Variants in FHIT observed in about 807,000 individuals in gnomAD.
FHIT encodes fragile histidine triad diadenosine triphosphatase.
In FHIT, 19 loss-of-function variants were observed where a neutral mutation model predicts 17.9. The observed-to-expected ratio is 1.06, with a 90% CI of 0.74 to 1.56. The LOEUF (loss-of-function observed/expected upper bound fraction) is 1.56, where lower values mean the gene tolerates loss of function less well. Among genes scored for constraint, FHIT ranks in the 40% most tolerant of loss-of-function variants. FHIT has a pLI of 0.00. For synonymous variants in FHIT, 81 were observed against 69.7 expected, an observed-to-expected ratio of 1.16 and a Z score of -0.81; for missense variants, 248 against 189.2, an observed-to-expected ratio of 1.31 and a Z score of -1.82.
At chr3:60,431,283 T>C (rs1166868630) in intron 5 of FHIT, among the ~76,000 whole-genome samples, 1 of 152,098 alleles carries the variant, frequency 6.6e-6, no homozygotes, top group Non-Finnish European at 1.5e-5. Flanking sequence ...TGCTCCATCA[T>C]TTCTTTTTAT....
intron 4 of FHIT, among the ~76,000 whole-genome samples, chr3:60,683,218 T>C (rs923734889): frequency 7.9e-5 from 12 of 152,204 alleles, no homozygotes; most frequent in Admixed American, 1.3e-4. Flanking sequence ...ACTTAGTTGA[T>C]AAAGAAGGGT....
intron 8 of FHIT, among the ~76,000 whole-genome samples, chr3:59,821,798 T>C (rs1700801974): frequency 6.6e-6 from 1 of 150,600 alleles, no homozygotes; most frequent in African/African-American, 2.4e-5. Flanking sequence ...ATATATTTAT[T>C]TTTAATTTTT....
At chr3:61,218,879 A>G (rs764974547) in intron 1 of FHIT, among the ~76,000 whole-genome samples, 3 of 152,168 alleles carry the variant, frequency 2.0e-5, no homozygotes, top group Admixed American at 6.6e-5. Context: ...AAAACCCCAG[A>G]TTCTATCCCA....
intron 4 of FHIT, among the ~76,000 whole-genome samples, chr3:60,579,584 T>A (rs1175874063): frequency 1.3e-5 from 2 of 152,186 alleles, no homozygotes; most frequent in Admixed American, 6.6e-5. Flanking sequence ...TATAAACACA[T>A]GTCTATACAT....
intron 2 of FHIT, among the ~76,000 whole-genome samples, chr3:61,118,275 C>T (rs1194922917): frequency 3.9e-5 from 6 of 152,162 alleles, no homozygotes; most frequent in Admixed American, 2.6e-4. Context: ...CAGGTAATTA[C>T]TGTTCATTTT....
chr3:60,353,095 C>T lies in FHIT; in HGVS notation c.103+183765G>A, dbSNP rs545901435. 2.0e-5 allele frequency among the ~76,000 whole-genome samples: 3 copies of T among 152,150 alleles called. No homozygotes were observed. In the South Asian group the frequency reaches 6.2e-4, roughly 32 times the overall value. On this transcript the variant is annotated intron_variant, in intron 5 of 9. Coordinates refer to ENST00000492590, the MANE Select transcript of FHIT (RefSeq NM_002012.4). Reference sequence around the variant, plus strand: ...CAAGATAAATTTGAAATCATTTTTCCTAAAAAAATTTCAAGGTGATCTTAA... The same window carrying T: ...CAAGATAAATTTGAAATCATTTTTCTTAAAAAAATTTCAAGGTGATCTTAA...
chr3:60,744,271 A>AAAAAAAAAAAAAAAAAAAAAAC (rs2042309303), intron 4 of FHIT, among the ~76,000 whole-genome samples: 19 of 52,136 alleles, frequency 3.6e-4, no homozygotes, highest in African/African-American at 9.1e-4. Context: ...AACAAAACAA[A>AAAAAAAAAAAAAAAAAAAAAAC]AAAAAAAAAA....
At chr3:59,871,890 C>T (rs148849731) in intron 8 of FHIT, among the ~76,000 whole-genome samples, 1 of 152,252 alleles carries the variant, frequency 6.6e-6, no homozygotes, top group Admixed American at 6.5e-5. Context: ...CTCTTGCGCA[C>T]TGAAGACAAG....
At chr3:60,370,023 T>G (rs948868028) in intron 5 of FHIT, among the ~76,000 whole-genome samples, 2 of 152,232 alleles carry the variant, frequency 1.3e-5, no homozygotes, top group African/African-American at 4.8e-5. Flanking sequence ...TGTATTATCC[T>G]AATAGACAAA....
At chr3:59,940,435 C>T (rs1383555931) in intron 7 of FHIT, among the ~76,000 whole-genome samples, 1 of 152,104 alleles carries the variant, frequency 6.6e-6, no homozygotes, top group Non-Finnish European at 1.5e-5. Flanking sequence ...GTAGAAGAAC[C>T]ATTCTCCTAA....
chr3:60,924,210 G>C (rs189235233), intron 3 of FHIT, among the ~76,000 whole-genome samples: 2 of 152,296 alleles, frequency 1.3e-5, no homozygotes, highest in African/African-American at 4.8e-5. Context: ...GAAGAGAGTA[G>C]TGATTCTCCC....
chr3:60,590,039 C>T (rs1208053525), intron 4 of FHIT, among the ~76,000 whole-genome samples: 1 of 152,012 alleles, frequency 6.6e-6, no homozygotes, highest in African/African-American at 2.4e-5. Flanking sequence ...TACAAGACTG[C>T]TGGAAGGAGT....
At chr3:59,941,004 A>G (rs1440402069) in intron 7 of FHIT, among the ~76,000 whole-genome samples, 1 of 152,170 alleles carries the variant, frequency 6.6e-6, no homozygotes, top group South Asian at 2.1e-4. Flanking sequence ...ACTCACGGCC[A>G]TGATCCCAGC....
chr3:59,955,317 C>T (rs1168365422), intron 7 of FHIT, among the ~76,000 whole-genome samples: 1 of 152,210 alleles, frequency 6.6e-6, no homozygotes, highest in African/African-American at 2.4e-5. Flanking sequence ...GGATAGCCTT[C>T]TTTCCTGCTA....
At chr3:60,005,455 G>T (rs1699889661) in intron 7 of FHIT, among the ~76,000 whole-genome samples, 1 of 152,056 alleles carries the variant, frequency 6.6e-6, no homozygotes. Context: ...ACCAGGAGCG[G>T]GAGAGGGAGG....
At chr3:60,364,546 A>G (rs1700032746) in intron 5 of FHIT, among the ~76,000 whole-genome samples, 1 of 152,244 alleles carries the variant, frequency 6.6e-6, no homozygotes, top group African/African-American at 2.4e-5. Flanking sequence ...TGTTACATAT[A>G]TTCTTTATTC....
chr3:59,956,094 C>T (rs1707379645), intron 7 of FHIT, among the ~76,000 whole-genome samples: 1 of 152,222 alleles, frequency 6.6e-6, no homozygotes, highest in Admixed American at 6.5e-5. Context: ...TTTCTACTTG[C>T]CTATTTTTCA....
In FHIT at chr3:60,178,259, T is replaced by C. The variant is rs138755325; in HGVS notation, c.104-164107A>G. Among the ~76,000 whole-genome samples, 1,011 of 152,052 alleles carry C rather than the reference T, an allele frequency of 6.6e-3. 10 individuals carry two copies. The highest frequency in any genetic ancestry group is 0.023 in the African/African-American group (965 of 41,482). ...ATTTCACAAATGTTAACTTCCCAAA[T>C]GGGTTAGCAAGGGAAAACTATCATT... On this transcript the variant is annotated intron_variant, in intron 5 of 9. Coordinates refer to ENST00000492590, the MANE Select transcript of FHIT (RefSeq NM_002012.4).
intron 4 of FHIT, among the ~76,000 whole-genome samples, chr3:60,568,299 C>T (rs909227065): frequency 3.0e-4 from 46 of 152,108 alleles, no homozygotes; most frequent in Non-Finnish European, 5.4e-4. Context: ...GAGTTCATAT[C>T]CTTTATAGGG....
Sources: gnomAD v4.1 joint callset for allele counts (sites outside exome capture counted in the v4.1 genomes callset) on GRCh38, gnomAD v4.1.1 for gene constraint, MANE v1.5 for transcripts, NCBI Gene and HGNC (gene_info 2026-07-23, HGNC 2026-07-21) for gene names.